The following MMS22L variants were observed in gnomAD, a reference collection of about 807,000 sequenced individuals.
The protein encoded by MMS22L is MMS22 like, DNA repair protein, also known as protein MMS22-like.
Under a neutral mutation model 159.1 loss-of-function variants are expected in MMS22L, and 74 were observed. The observed-to-expected ratio is 0.47, with a 90% CI of 0.39 to 0.56. The LOEUF (loss-of-function observed/expected upper bound fraction) is 0.56. Ranked by LOEUF, MMS22L falls within the 20% of genes least tolerant of loss-of-function variation. The pLI is 0.00. For missense variants in MMS22L, 1,351 were observed against 1,422.1 expected (o/e 0.95, Z 0.80); for synonymous variants, 517 against 506.9 (o/e 1.02, Z -0.27).
intron 14 of MMS22L, among the ~76,000 whole-genome samples, chr6:97,193,699 C>T (rs1300912898): frequency 6.6e-6 from 1 of 152,172 alleles, no homozygotes; most frequent in Non-Finnish European, 1.5e-5. Flanking sequence ...ATAATATTTA[C>T]TATTTGTTTT....
At chr6:97,158,250 T>A (rs1043414052) in intron 22 of MMS22L, among the ~76,000 whole-genome samples, 2 of 152,158 alleles carry the variant, frequency 1.3e-5, no homozygotes, top group Admixed American at 1.3e-4. Flanking sequence ...ATTTCGTTGA[T>A]CTTTTCAAAA....
intron 22 of MMS22L, among the ~76,000 whole-genome samples, chr6:97,153,622 C>T (rs1290220383): frequency 3.3e-5 from 5 of 152,214 alleles, no homozygotes; most frequent in Non-Finnish European, 7.4e-5. Context: ...TCACCTGCCT[C>T]AGCCTCCCAA....
intron 7 of MMS22L, among the ~76,000 whole-genome samples, chr6:97,268,790 G>A (rs2128086879): frequency 6.6e-6 from 1 of 152,026 alleles, no homozygotes; most frequent in South Asian, 2.1e-4. Flanking sequence ...ATATTAATGT[G>A]AAATACAGAG....
At chr6:97,160,528 C>A (rs1172619439) in intron 22 of MMS22L, among the ~76,000 whole-genome samples, 1 of 151,816 alleles carries the variant, frequency 6.6e-6, no homozygotes, top group African/African-American at 2.4e-5. Flanking sequence ...TGGCTACTTC[C>A]AAGATTTTCT....
chr6:97,269,073 A>G (rs1202396914), intron 7 of MMS22L, among the ~76,000 whole-genome samples: 1 of 152,128 alleles, frequency 6.6e-6, no homozygotes, highest in Non-Finnish European at 1.5e-5. Context: ...ATATTTATCC[A>G]TAATATGTAT....
intron 20 of MMS22L, among the ~76,000 whole-genome samples, chr6:97,166,843 T>G (rs1025150684): frequency 6.6e-6 from 1 of 152,142 alleles, no homozygotes. Flanking sequence ...TCTGTGGGAT[T>G]GGCGGTTCAG....
chr6:97,228,753 T>C, intron 14 of MMS22L, 141 bp downstream of exon 14: 1 of 734,100 alleles, frequency 1.4e-6, no homozygotes, highest in Admixed American at 2.9e-5. Context: ...TTTATGCCCA[T>C]GTAGTAGAAA....
At chr6:97,159,260 C>A (rs1802181615) in intron 22 of MMS22L, among the ~76,000 whole-genome samples, 1 of 151,806 alleles carries the variant, frequency 6.6e-6, no homozygotes, top group South Asian at 2.1e-4. Context: ...TCCAATTTGC[C>A]AGCCTGTGTC....
At chr6:97,215,375 A>C (rs1808898626) in intron 14 of MMS22L, among the ~76,000 whole-genome samples, 1 of 152,144 alleles carries the variant, frequency 6.6e-6, no homozygotes, top group African/African-American at 2.4e-5. Flanking sequence ...AGTACCATCA[A>C]CCTGTCACTT....
At chr6:97,282,693 A>C (rs1433034540) in intron 1 of MMS22L, 140 bp from the exon 2 acceptor site, 3 of 506,774 alleles carry the variant, frequency 5.9e-6, no homozygotes, top group Non-Finnish European at 1.1e-5. Flanking sequence ...CCGTCCATCA[A>C]GGCTGTCAGA....
chr6:97,153,259 C>T (rs1033743425), intron 22 of MMS22L, among the ~76,000 whole-genome samples: 2 of 151,710 alleles, frequency 1.3e-5, no homozygotes, highest in African/African-American at 4.8e-5. Flanking sequence ...CAACCATCAT[C>T]ACAATTTTAC....
At chr6:97,255,027 T>G (rs961847458) in intron 9 of MMS22L, among the ~76,000 whole-genome samples, 1 of 152,076 alleles carries the variant, frequency 6.6e-6, no homozygotes, top group African/African-American at 2.4e-5. Flanking sequence ...GCCTATATTA[T>G]ATATTGTGTG....
chr6:97,179,803 T>G (rs1804519573), intron 16 of MMS22L, among the ~76,000 whole-genome samples: 1 of 152,170 alleles, frequency 6.6e-6, no homozygotes, highest in Non-Finnish European at 1.5e-5. Flanking sequence ...CTTTTTCCAC[T>G]GATGGCATAT....
At chr6:97,269,200 T>C (rs1815474698) in intron 7 of MMS22L, among the ~76,000 whole-genome samples, 1 of 151,534 alleles carries the variant, frequency 6.6e-6, no homozygotes. Flanking sequence ...AAATTGCAGA[T>C]AAAAAAAAGC....
rs771136379 is a variant in MMS22L at position 97,234,046 on chromosome 6, T to C, written c.1183-66A>G. 49 of 1,537,204 alleles carry C rather than the reference T, an allele frequency of 3.2e-5. No individual in the cohort carries two copies. In the East Asian group the frequency reaches 9.4e-4, roughly 29 times the overall value. On this transcript the variant is annotated intron_variant, in intron 11 of 24. Transcript: ENST00000683635. Reference sequence around the variant, plus strand: ...TGGCAATATAAACATTTTCACTTGATATTGTGCTGTATATAACCTGCAGCT... The same window carrying C: ...TGGCAATATAAACATTTTCACTTGACATTGTGCTGTATATAACCTGCAGCT...
At chr6:97,254,777 T>C (rs1813611567) in intron 9 of MMS22L, 44 bp from the exon 10 acceptor site, 2 of 1,466,398 alleles carry the variant, frequency 1.4e-6, no homozygotes, top group South Asian at 1.4e-5. Context: ...ACAGTTTCAA[T>C]AACCTTTGAT....
At chr6:97,215,663 TC>T (rs1229995960) in intron 14 of MMS22L, among the ~76,000 whole-genome samples, 3 of 152,000 alleles carry the variant, frequency 2.0e-5, no homozygotes, top group Non-Finnish European at 4.4e-5. Flanking sequence ...AGGACACTGC[TC>T]ATCAAGCAGT....
At chr6:97,174,050 C>T (rs1430467206) in intron 18 of MMS22L, among the ~76,000 whole-genome samples, 1 of 151,820 alleles carries the variant, frequency 6.6e-6, no homozygotes, top group Non-Finnish European at 1.5e-5. Flanking sequence ...GTCAAGAGAT[C>T]GAGACCATCC....
intron 7 of MMS22L, 114 bp downstream of exon 7, chr6:97,269,788 G>T: frequency 1.4e-6 from 1 of 700,208 alleles, no homozygotes; most frequent in Non-Finnish European, 2.3e-6. Context: ...TTCATACTTT[G>T]TTTACTATTT....
Sources: gnomAD v4.1 joint callset for allele counts (sites outside exome capture counted in the v4.1 genomes callset) on GRCh38, gnomAD v4.1.1 for gene constraint, MANE v1.5 for transcripts, NCBI Gene and HGNC (gene_info 2026-07-23, HGNC 2026-07-21) for gene names.